PPFIA2: variants seen among roughly 807,000 people sequenced by gnomAD.
PPFIA2 encodes the protein liprin-alpha-2.
PPFIA2 carries 46 observed loss-of-function variants against 175.5 expected under a neutral mutation model. That is an observed-to-expected ratio of 0.26 (90% CI 0.21 to 0.34). PPFIA2 has a LOEUF of 0.34. Ranked by LOEUF, PPFIA2 falls within the 10% of genes least tolerant of loss-of-function variation. The probability of loss-of-function intolerance (pLI) is 1.00; values close to 1 mark genes in which losing one functional copy is unlikely to be tolerated. For missense variants in PPFIA2, 1,179 were observed against 1,506.1 expected (o/e 0.78, Z 3.60); for synonymous variants, 568 against 511.4 (o/e 1.11, Z -1.49).
rs778651268 is a variant in PPFIA2, at chr12:81,268,080, C to T, written c.3318G>A (p.Leu1106=). Residue 1106 remains leucine (L), a synonymous_variant, in exon 29 of 33, where the codon TTG becomes TTA. Transcript: ENST00000549396. ...GAATAACTCGGTCATTGCTCCACAC[C>T]AACACGTCTAGGAAAAGAGATGCAT... is the stretch of plus-strand genomic sequence containing the variant. The part of the protein sequence containing the change: ...EASQHEIKDV[L]VWSNDRVIRW... 7.5e-6 allele frequency: 12 copies of T among 1,589,760 alleles called. No individual in the cohort carries two copies. The highest frequency in any genetic ancestry group is 9.4e-6 in the Non-Finnish European group (11 of 1,166,736).
chr12:81,700,915 A>G (rs1299848412), intron 3 of PPFIA2, among the ~76,000 whole-genome samples: 1 of 152,116 alleles, frequency 6.6e-6, no homozygotes, highest in African/African-American at 2.4e-5. Context: ...TTATTTATAT[A>G]CTATAAAAAT....
intron 22 of PPFIA2, chr12:81,312,478 A>C (rs1342089905): frequency 2.8e-6 from 1 of 358,884 alleles, no homozygotes; most frequent in South Asian, 1.0e-4. Flanking sequence ...GGAGGAAATC[A>C]AGAAATCTTG....
intron 4 of PPFIA2, among the ~76,000 whole-genome samples, chr12:81,534,655 G>A (rs1210822819): frequency 6.6e-6 from 1 of 151,614 alleles, no homozygotes; most frequent in Non-Finnish European, 1.5e-5. Flanking sequence ...TCTTTCAAGA[G>A]GGAGAAAAAG....
intron 4 of PPFIA2, among the ~76,000 whole-genome samples, chr12:81,552,480 T>C (rs562704299): frequency 6.6e-6 from 1 of 151,950 alleles, no homozygotes; most frequent in Non-Finnish European, 1.5e-5. Context: ...AATGTATAGG[T>C]TTCTGACTTG....
chr12:81,684,536 C>T (rs2074161108), intron 3 of PPFIA2, among the ~76,000 whole-genome samples: 1 of 152,088 alleles, frequency 6.6e-6, no homozygotes, highest in South Asian at 2.1e-4. Flanking sequence ...ATATAAAAAG[C>T]TGAATCTCAG....
At chr12:81,269,053 T>A (rs990572536) in intron 28 of PPFIA2, among the ~76,000 whole-genome samples, 1 of 152,168 alleles carries the variant, frequency 6.6e-6, no homozygotes, top group Non-Finnish European at 1.5e-5. Flanking sequence ...GAGGAAAAAA[T>A]TTCTTTGATT....
intron 4 of PPFIA2, among the ~76,000 whole-genome samples, chr12:81,507,188 C>A (rs1387084729): frequency 2.0e-5 from 3 of 152,112 alleles, no homozygotes; most frequent in African/African-American, 7.2e-5. Flanking sequence ...TTAACACAAG[C>A]TATCATTGGT....
chr12:81,274,940 A>G (rs2040135155), intron 28 of PPFIA2, among the ~76,000 whole-genome samples: 1 of 152,202 alleles, frequency 6.6e-6, no homozygotes, highest in African/African-American at 2.4e-5. Flanking sequence ...ATACTAATAT[A>G]ACATTTGGTA....
chr12:81,709,364 T>C (rs937957861), intron 3 of PPFIA2, among the ~76,000 whole-genome samples: 10 of 152,158 alleles, frequency 6.6e-5, no homozygotes, highest in Non-Finnish European at 1.5e-4. Flanking sequence ...CAAATTTTGA[T>C]TTATTTTGTT....
chr12:81,505,509 C>T (rs1474495899), intron 4 of PPFIA2, among the ~76,000 whole-genome samples: 1 of 152,074 alleles, frequency 6.6e-6, no homozygotes, highest in Non-Finnish European at 1.5e-5. Context: ...TGAGCTCTTG[C>T]TTCCTCTGCA....
rs796876427 is a variant in PPFIA2, at chr12:81,512,067, G to T, written c.304-54201C>A. Among the ~76,000 whole-genome samples, 4 of 152,214 alleles carry T rather than the reference G, an allele frequency of 2.6e-5. No individual in the cohort carries two copies. The East Asian group carries it at 5.8e-4, about 22-fold the overall frequency. On this transcript the variant is annotated intron_variant, in intron 4 of 32. Transcript: ENST00000549396. ...AGAGGTGCAGTTACTCCAGTAAACG[G>T]AATCTCTCAAGGCCTATAGAGATGT...
chr12:81,287,096 T>G (rs1821243870), intron 24 of PPFIA2, among the ~76,000 whole-genome samples: 1 of 151,936 alleles, frequency 6.6e-6, no homozygotes, highest in African/African-American at 2.4e-5. Context: ...GTTATCGTGG[T>G]GCTTTCTTGA....
intron 3 of PPFIA2, among the ~76,000 whole-genome samples, chr12:81,726,037 C>T (rs1200751796): frequency 2.6e-5 from 4 of 151,084 alleles, no homozygotes; most frequent in Admixed American, 6.6e-5. Flanking sequence ...GATGCCCTTG[C>T]TCCCTACTTC....
At chr12:81,602,820 T>C (rs1417979848) in intron 4 of PPFIA2, among the ~76,000 whole-genome samples, 1 of 151,834 alleles carries the variant, frequency 6.6e-6, no homozygotes, top group East Asian at 1.9e-4. Flanking sequence ...CTCAGAATAA[T>C]AAATTTTAGA....
chr12:81,519,295 T>C (rs2062828956), intron 4 of PPFIA2, among the ~76,000 whole-genome samples: 1 of 152,208 alleles, frequency 6.6e-6, no homozygotes, highest in Non-Finnish European at 1.5e-5. Context: ...TTCTCCTCAA[T>C]CTGTCTTTAA....
intron 22 of PPFIA2, among the ~76,000 whole-genome samples, chr12:81,322,236 G>C (rs1042487256): frequency 7.9e-5 from 12 of 152,026 alleles, no homozygotes; most frequent in African/African-American, 2.9e-4. Flanking sequence ...TAAATATGAG[G>C]GCGAAAGGTA....
intron 32 of PPFIA2, chr12:81,261,110 T>C (rs1175403535): frequency 6.6e-6 from 1 of 152,240 alleles, no homozygotes; most frequent in South Asian, 2.1e-4. Context: ...TTTTATTTTG[T>C]TCCTATATGT....
chr12:81,597,413 A>C (rs1173632463), intron 4 of PPFIA2, among the ~76,000 whole-genome samples: 3 of 152,022 alleles, frequency 2.0e-5, no homozygotes, highest in African/African-American at 7.2e-5. Context: ...CTCTATTTCA[A>C]ATTGGAAAGC....
chr12:81,593,747 G>A (rs1333248243), intron 4 of PPFIA2, among the ~76,000 whole-genome samples: 2 of 152,144 alleles, frequency 1.3e-5, no homozygotes, highest in Non-Finnish European at 2.9e-5. Flanking sequence ...TGAGTGAAGA[G>A]GCAAAGACAA....
Sources: allele counts gnomAD v4.1 joint callset (sites outside exome capture counted in the v4.1 genomes callset), GRCh38; gene constraint gnomAD v4.1.1; transcripts MANE v1.5; gene names NCBI Gene and HGNC (gene_info 2026-07-23, HGNC 2026-07-21).